EFEMP1: variants seen among roughly 807,000 people sequenced by gnomAD.
EFEMP1 encodes EGF-like fibulin extracellular matrix protein 1.
A neutral mutation model predicts 65.7 loss-of-function variants in EFEMP1; 18 were observed. The ratio of observed to expected loss-of-function variants is 0.27; its 90% CI spans 0.19 to 0.41. The LOEUF (loss-of-function observed/expected upper bound fraction) is 0.41. Among genes scored for constraint, EFEMP1 ranks in the 10% least tolerant of loss-of-function variants. The pLI is 1.00. For synonymous variants in EFEMP1, 237 were observed against 219.7 expected, an observed-to-expected ratio of 1.08 and a Z score of -0.70; for missense variants, 469 against 624.8, an observed-to-expected ratio of 0.75 and a Z score of 2.66.
rs1180361259 is a variant in EFEMP1, at chr2:55,886,384, G to C, written c.518-4650C>G. ...CTGTGTGGGGCACTGTGCATGCTTT[G>C]CAAATATTATTTAATGGTGCTATCC... On this transcript the variant is annotated intron_variant, in intron 5 of 11. Transcript: ENST00000355426. The surrounding 1 kb of genome is among the most constrained non-coding windows in gnomAD (Gnocchi z 4.0). Among the ~76,000 whole-genome samples, 1 of 152,110 alleles carries C rather than the reference G, an allele frequency of 6.6e-6. No homozygotes were observed. The highest frequency in any genetic ancestry group is 1.5e-5 in the Non-Finnish European group (1 of 68,014).
At chr2:55,895,592 A>T (rs1669794839) in intron 5 of EFEMP1, among the ~76,000 whole-genome samples, 1 of 145,016 alleles carries the variant, frequency 6.9e-6, no homozygotes, top group South Asian at 2.2e-4. Context: ...CCCAGGCTGG[A>T]GTGCAGTGGC....
At position 55,897,230 on chromosome 2, in the gene EFEMP1, G is replaced by A. The variant is rs1395886918; in HGVS notation, c.518-15496C>T. On this transcript the variant is annotated intron_variant, in intron 5 of 11. Coordinates refer to ENST00000355426, the MANE Select transcript of EFEMP1 (RefSeq NM_001039348.3). ...CACCCACTATGCTTTGCATTTACTA[G>A]TTACTTAATTCAGGCTTGTTGAATA... 3.3e-5 allele frequency among the ~76,000 whole-genome samples: 5 copies of A among 152,088 alleles called. No individual in the cohort carries two copies. The East Asian group carries it at 9.6e-4, about 29-fold the overall frequency.
chr2:55,891,185 C>T (rs2104408112), intron 5 of EFEMP1, among the ~76,000 whole-genome samples: 1 of 152,094 alleles, frequency 6.6e-6, no homozygotes, highest in Non-Finnish European at 1.5e-5. Flanking sequence ...CAGATTTTCG[C>T]TCAGTGTAAG....
rs1668919493 is a variant in EFEMP1 at position 55,873,883 on chromosome 2, G to A, written c.1000+1063C>T. On this transcript the variant is annotated intron_variant, in intron 9 of 11. Transcript: ENST00000355426. This position sits in a 1 kb window ranked among gnomAD's most constrained non-coding sequence, Gnocchi z 4.6. ...TCCTTGATCTTTCTTTTCTTAACAG[G>A]ATCTTTATTGTCCTTGTGTGCCTTC... 6.6e-6 allele frequency among the ~76,000 whole-genome samples: 1 copy of A among 151,904 alleles called. No homozygotes were observed. The highest frequency in any genetic ancestry group is 1.5e-5 in the Non-Finnish European group (1 of 67,922).
chr2:55,922,781 TA>T lies in EFEMP1; in HGVS notation c.-8+117del. The stretch of plus-strand genomic sequence containing the variant: ...AGAGGGGGTCGAAAGGAAAAAACAG[TA>T]ATCCATTTCAAAGGGGACGGTGCAT... On this transcript the variant is annotated intron_variant, in intron 2 of 11. Transcript: ENST00000355426. The surrounding 1 kb of genome is among the most constrained non-coding windows in gnomAD (Gnocchi z 5.5). The T allele has an allele frequency of 1.3e-6, 1 of 774,834 alleles. No individual in the cohort carries two copies. 48.0% of individuals were successfully genotyped at this position (774,834 alleles called of 1,614,324 possible). A position where few individuals can be genotyped will look rare whatever the true frequency, so the allele number is the denominator to read the frequency against.
chr2:55,868,601 AT>A (rs1472139605), intron 11 of EFEMP1, among the ~76,000 whole-genome samples: 61 of 152,316 alleles, frequency 4.0e-4, no homozygotes, highest in African/African-American at 1.4e-3. Context: ...CCTTTCAAGA[AT>A]CAGGCTGACT....
rs1366518107 is a variant in EFEMP1 at position 55,883,212 on chromosome 2, T to A, written c.518-1478A>T. Among the ~76,000 whole-genome samples, 1 of 152,200 alleles carries A rather than the reference T, an allele frequency of 6.6e-6. No individual in the cohort carries two copies. The highest frequency in any genetic ancestry group is 1.9e-4 in the East Asian group (1 of 5,194). On this transcript the variant is annotated intron_variant, in intron 5 of 11. Coordinates refer to ENST00000355426, the MANE Select transcript of EFEMP1 (RefSeq NM_001039348.3). This position sits in a 1 kb window ranked among gnomAD's most constrained non-coding sequence, Gnocchi z 4.5. ...CATCCACTTACGTAATTCTTTGAAC[T>A]TGGTTTTAAAGTTTTGGCTAAGGTT... is the stretch of plus-strand genomic sequence containing the variant.
In EFEMP1 at chr2:55,907,336, G is replaced by T. The variant is rs557385172; in HGVS notation, c.517+10329C>A. Among the ~76,000 whole-genome samples the T allele has an allele frequency of 5.3e-5, 8 of 152,326 alleles. No individual in the cohort carries two copies. In the South Asian group the frequency reaches 1.0e-3, roughly 20 times the overall value. On this transcript the variant is annotated intron_variant, in intron 5 of 11. Transcript: ENST00000355426. Reference sequence around the variant, plus strand: ...GGGCATAAATAGTTAGAATAAACTAGGCAAGAAAAGGGGTATTTAGCCTAC... The same window carrying T: ...GGGCATAAATAGTTAGAATAAACTATGCAAGAAAAGGGGTATTTAGCCTAC...
In EFEMP1 at chr2:55,922,386, C is replaced by T; in HGVS notation, c.55G>A (p.Asp19Asn). ...MLTLALVKSQDTEETITYTQC... is the reference protein window; with the variant it reads ...MLTLALVKSQNTEETITYTQC... ...GTGTACGTGATGGTTTCTTCGGTGT[C>T]CTGTGACTTGACCAGCGCCAGAGTC... Residue 19 changes from aspartate to asparagine, a missense_variant, in exon 3 of 12, where the codon GAC becomes AAC. By Grantham distance (23) the Asp-to-Asn change is conservative. This residue lies in a region of EFEMP1 where 66 missense variants were observed against 73.0 expected (regional missense o/e 0.90). Coordinates refer to ENST00000355426, the MANE Select transcript of EFEMP1 (RefSeq NM_001039348.3). This position sits in a 1 kb window ranked among gnomAD's most constrained non-coding sequence, Gnocchi z 5.5. 1.2e-6 allele frequency: 2 copies of T among 1,613,916 alleles called. No homozygotes were observed. The highest frequency in any genetic ancestry group is 8.5e-7 in the Non-Finnish European group (1 of 1,179,878).
rs776487850 is a variant in EFEMP1, at chr2:55,876,720, G to A, written c.783C>T (p.Ser261=). The A allele has an allele frequency of 1.4e-5, 23 of 1,608,220 alleles. No homozygotes were observed. Among genetic ancestry groups the A allele is most frequent in the Non-Finnish European group, 1.9e-5 (22 of 1,176,698 alleles). The part of the protein sequence containing the change: ...TCVDINECDA[S]NQCAQQCYNI... ...TGTAGCACTGCTGAGCACATTGATT[G>A]CTGGCATCACATTCATTTATATCTG... The change falls in exon 8 of 12, where the codon AGC becomes AGT. Residue 261 remains serine, a synonymous_variant. Coordinates refer to ENST00000355426, the MANE Select transcript of EFEMP1 (RefSeq NM_001039348.3).
chr2:55,918,346 T>A, intron 3 of EFEMP1, 79 bp from the exon 4 acceptor site: 1 of 1,504,194 alleles, frequency 6.6e-7, no homozygotes, highest in South Asian at 1.1e-5. Flanking sequence ...CTCTAAAAGC[T>A]TCATTCTTAT....
Position 55,874,156 on chromosome 2 carries a change from G to T in EFEMP1, c.1000+790C>A, listed in dbSNP as rs542350375. 9.9e-5 allele frequency among the ~76,000 whole-genome samples: 15 copies of T among 152,068 alleles called. No homozygotes were observed. In the East Asian group the frequency reaches 2.9e-3, roughly 29 times the overall value. The stretch of plus-strand genomic sequence containing the variant: ...TACAGTGGAGCTGGGATTCAAACAG[G>T]TTTTCTGTCAAGTTTGGTCATTTTT... On this transcript the variant is annotated intron_variant, in intron 9 of 11. Transcript: ENST00000355426.
chr2:55,910,446 T>A (rs2104441553), intron 5 of EFEMP1, among the ~76,000 whole-genome samples: 1 of 152,152 alleles, frequency 6.6e-6, no homozygotes, highest in East Asian at 1.9e-4. Flanking sequence ...TTGGGAAAAT[T>A]TTTGTTTACT....
chr2:55,872,571 CAAAT>C (rs1318540058), intron 9 of EFEMP1, among the ~76,000 whole-genome samples: 3 of 152,002 alleles, frequency 2.0e-5, no homozygotes, highest in Non-Finnish European at 1.5e-5. Context: ...GGATGAAAAA[CAAAT>C]AAGGGTTTAG....
intron 11 of EFEMP1, among the ~76,000 whole-genome samples, chr2:55,869,721 G>C (rs993461942): frequency 1.3e-5 from 2 of 152,104 alleles, no homozygotes; most frequent in African/African-American, 4.8e-5. Context: ...AATAAAGAGT[G>C]CCCAAAGGAG....
rs1397977401 is a variant in EFEMP1 at position 55,922,625 on chromosome 2, C to T, written c.-7-178G>A. The T allele has an allele frequency of 6.1e-6, 4 of 651,516 alleles. No individual in the cohort carries two copies. Among genetic ancestry groups the T allele is most frequent in the Admixed American group, 4.7e-5 (2 of 42,984 alleles). The allele number at this position is 651,516 out of a possible 1,614,324, so 40.4% of individuals were successfully genotyped here. A position where few individuals can be genotyped will look rare whatever the true frequency, so the allele number is the denominator to read the frequency against. The stretch of plus-strand genomic sequence containing the variant: ...CCTCCTGAACCTTCTCGGTAGCCAA[C>T]GAACGAGGCAGCAAAGACGTAAAAA... On this transcript the variant is annotated intron_variant, in intron 2 of 11. Transcript: ENST00000355426. This position sits in a 1 kb window ranked among gnomAD's most constrained non-coding sequence, Gnocchi z 5.5.
rs1474704277 is a variant in EFEMP1, at chr2:55,885,953, A to T, written c.518-4219T>A. Among the ~76,000 whole-genome samples the T allele has an allele frequency of 6.6e-6, 1 of 152,138 alleles. No homozygotes were observed. The highest frequency in any genetic ancestry group is 1.5e-5 in the Non-Finnish European group (1 of 68,018). ...TTAATCTCTGCAATGTTCTTTCCATAATTTGATAACTTACCACAACATGGA... is the reference window on the plus strand; with the variant it reads ...TTAATCTCTGCAATGTTCTTTCCATTATTTGATAACTTACCACAACATGGA... On this transcript the variant is annotated intron_variant, in intron 5 of 11. Coordinates refer to ENST00000355426, the MANE Select transcript of EFEMP1 (RefSeq NM_001039348.3). This position sits in a 1 kb window ranked among gnomAD's most constrained non-coding sequence, Gnocchi z 4.3.
At chr2:55,903,978 C>G (rs1382392172) in intron 5 of EFEMP1, among the ~76,000 whole-genome samples, 1 of 151,204 alleles carries the variant, frequency 6.6e-6, no homozygotes, top group East Asian at 1.9e-4. Context: ...TGTCATTTCT[C>G]TTACAGGGGG....
rs186986091 is a variant in EFEMP1, at chr2:55,883,981, A to G, written c.518-2247T>C. On this transcript the variant is annotated intron_variant, in intron 5 of 11. Coordinates refer to ENST00000355426, the MANE Select transcript of EFEMP1 (RefSeq NM_001039348.3). The surrounding 1 kb of genome is among the most constrained non-coding windows in gnomAD (Gnocchi z 4.5). ...TCCACCAACACCCAAACAAAGCTGC[A>G]ACAAGACTTGCCTCACCTAGGACTG... Among the ~76,000 whole-genome samples, 54 of 152,310 alleles carry G rather than the reference A, an allele frequency of 3.5e-4. No homozygotes were observed. The highest frequency in any genetic ancestry group is 1.3e-3 in the African/African-American group (54 of 41,566).
Sources: gnomAD v4.1 joint callset for allele counts (sites outside exome capture counted in the v4.1 genomes callset) on GRCh38, gnomAD v4.1.1 for gene constraint, gnomAD v4.1.1 regional missense constraint, Gnocchi (gnomAD v3.1) non-coding constraint, MANE v1.5 for transcripts, NCBI Gene and HGNC (gene_info 2026-07-23, HGNC 2026-07-21) for gene names.